Variants in ATP2A2 observed in about 807,000 individuals in gnomAD.
ATP2A2 encodes sarcoplasmic/endoplasmic reticulum calcium ATPase 2.
Under a neutral mutation model 109.3 loss-of-function variants are expected in ATP2A2, and 14 were observed. That is an observed-to-expected ratio of 0.13 (90% CI 0.08 to 0.20). The LOEUF (loss-of-function observed/expected upper bound fraction) is 0.20. ATP2A2 is among the 10% of genes least tolerant of loss of function. The pLI is 1.00. For synonymous variants in ATP2A2, 506 were observed against 490.9 expected (o/e 1.03, Z -0.41); for missense variants, 657 against 1,321.6 (o/e 0.50, Z 7.80).
intron 5 of ATP2A2, among the ~76,000 whole-genome samples, chr12:110,305,892 T>C (rs1385127005): frequency 6.6e-6 from 1 of 151,982 alleles, no homozygotes; most frequent in Non-Finnish European, 1.5e-5. Flanking sequence ...GTTTTTTTTT[T>C]TTAAGGTCTG....
chr12:110,326,632 C>A (rs971815044), intron 7 of ATP2A2, among the ~76,000 whole-genome samples, 157 bp downstream of exon 7: 1 of 152,108 alleles, frequency 6.6e-6, no homozygotes, highest in Non-Finnish European at 1.5e-5. Context: ...AGTAACATAA[C>A]GTGTGACTTA....
At chr12:110,282,824 C>T (rs766571475) in intron 3 of ATP2A2, 29 bp downstream of exon 3, 23 of 1,554,484 alleles carry the variant, frequency 1.5e-5, no homozygotes, top group Non-Finnish European at 2.0e-5. Context: ...ATTTTCTTTC[C>T]CCCCAAAAGC....
intron 11 of ATP2A2, 102 bp downstream of exon 11, chr12:110,334,245 T>C: frequency 7.2e-7 from 1 of 1,396,396 alleles, no homozygotes; most frequent in Non-Finnish European, 1.0e-6. Context: ...TAATTATACC[T>C]TATCTCCTCA....
intron 4 of ATP2A2, among the ~76,000 whole-genome samples, chr12:110,294,808 A>G (rs1873787262): frequency 6.6e-6 from 1 of 151,926 alleles, no homozygotes; most frequent in Non-Finnish European, 1.5e-5. Context: ...ATTTCTGACC[A>G]GTGTCATCAA....
chr12:110,326,611 C>CAGA, intron 7 of ATP2A2, 136 bp downstream of exon 7: 1 of 903,364 alleles, frequency 1.1e-6, no homozygotes, highest in Non-Finnish European at 1.7e-6. Context: ...TCTTAGGTGT[C>CAGA]AGAATATGGC....
chr12:110,317,785 C>T (rs1876825869), intron 5 of ATP2A2, among the ~76,000 whole-genome samples: 1 of 152,144 alleles, frequency 6.6e-6, no homozygotes, highest in South Asian at 2.1e-4. Context: ...TAAAACGTGG[C>T]AAACTGATAA....
At position 110,346,228 on chromosome 12, in the gene ATP2A2, G is replaced by A. The variant is rs1221810996; in HGVS notation, c.2887G>A (p.Val963Met). ...PLIFQITPLN[V>M]TQWLMVLKIS... ...CATCTTCCAGATCACACCGCTGAAC[G>A]TGACCCAGTGGCTGATGGTGCTGAA... The change falls in exon 20 of 20, where the codon GTG becomes ATG. Residue 963 changes from valine to methionine, a missense_variant. By Grantham distance (21) the Val-to-Met change is conservative. Transcript: ENST00000539276. 9 of 1,614,062 alleles carry A rather than the reference G, an allele frequency of 5.6e-6. No homozygotes were observed. The highest frequency in any genetic ancestry group is 4.0e-5 in the African/African-American group (3 of 74,918).
Position 110,341,001 on chromosome 12 carries a change from A to G in ATP2A2, c.2097+7A>G, listed in dbSNP as rs372776473. Reference sequence around the variant, plus strand: ...TGATGAGATTACAGCTATGGTGAGCATGTTTGAACATGTACAGGTGACTCA... The same window carrying G: ...TGATGAGATTACAGCTATGGTGAGCGTGTTTGAACATGTACAGGTGACTCA... On this transcript the variant is annotated splice_region_variant and intron_variant, in intron 14 of 19. Transcript: ENST00000539276. 16 of 1,613,674 alleles carry G rather than the reference A, an allele frequency of 9.9e-6. No individual in the cohort carries two copies. In the African/African-American group the frequency reaches 2.0e-4, roughly 20 times the overall value.
intron 6 of ATP2A2, chr12:110,326,044 A>T (rs1877766880): frequency 1.5e-5 from 5 of 330,680 alleles, no homozygotes; most frequent in South Asian, 1.5e-4. Flanking sequence ...TATACAACAA[A>T]TATATGTAAA....
intron 10 of ATP2A2, among the ~76,000 whole-genome samples, chr12:110,333,602 G>A (rs969518367): frequency 3.9e-5 from 6 of 152,192 alleles, no homozygotes; most frequent in Non-Finnish European, 8.8e-5. Flanking sequence ...GAAAGCAAAG[G>A]ATATAGTTTC....
intron 5 of ATP2A2, among the ~76,000 whole-genome samples, chr12:110,309,267 C>T (rs1875739740): frequency 6.9e-6 from 1 of 144,142 alleles, no homozygotes; most frequent in Non-Finnish European, 1.5e-5. Context: ...AAGCGATTCT[C>T]CTGCCTCAGC....
chr12:110,345,204 G>GGAA, intron 17 of ATP2A2, 45 bp from the exon 18 acceptor site: 1 of 1,614,036 alleles, frequency 6.2e-7, no homozygotes, highest in Non-Finnish European at 8.5e-7. Context: ...CCTGGACTTG[G>GGAA]GAAATATACT....
chr12:110,312,881 AAG>A lies in ATP2A2; in HGVS notation c.464-10109_464-10108del, dbSNP rs1346481836. Among the ~76,000 whole-genome samples the A allele has an allele frequency of 2.0e-5, 3 of 152,114 alleles. No homozygotes were observed. In the East Asian group the frequency reaches 5.8e-4, roughly 29 times the overall value. ...AAAAAAAAAAGAAAACAAAACAAAA[AAG>A]AAAAATTGCTTTAGTTGTTCTGTAA... On this transcript the variant is annotated intron_variant, in intron 5 of 19. Coordinates refer to ENST00000539276, the MANE Select transcript of ATP2A2 (RefSeq NM_170665.4).
At chr12:110,318,210 A>G (rs1876869227) in intron 5 of ATP2A2, among the ~76,000 whole-genome samples, 1 of 152,232 alleles carries the variant, frequency 6.6e-6, no homozygotes, top group South Asian at 2.1e-4. Flanking sequence ...TCACTTGAAA[A>G]GTATTCGGTG....
chr12:110,328,932 C>T (rs1205466255), intron 8 of ATP2A2, among the ~76,000 whole-genome samples: 1 of 152,188 alleles, frequency 6.6e-6, no homozygotes, highest in South Asian at 2.1e-4. Flanking sequence ...CTAGAGAAAG[C>T]TGCTAGTTAA....
At chr12:110,333,632 T>A (rs1228151618) in intron 10 of ATP2A2, among the ~76,000 whole-genome samples, 3 of 152,214 alleles carry the variant, frequency 2.0e-5, no homozygotes, top group Admixed American at 2.0e-4. Context: ...GGTAAGCTAG[T>A]CCCTGTCAGA....
At chr12:110,305,929 T>C (rs956457579) in intron 5 of ATP2A2, among the ~76,000 whole-genome samples, 6 of 152,060 alleles carry the variant, frequency 3.9e-5, no homozygotes, top group Non-Finnish European at 7.4e-5. Context: ...TGGTTGTCAG[T>C]GTTCAAGTCT....
At chr12:110,333,572 A>G (rs935351279) in intron 10 of ATP2A2, among the ~76,000 whole-genome samples, 3 of 152,228 alleles carry the variant, frequency 2.0e-5, no homozygotes, top group African/African-American at 7.2e-5. Flanking sequence ...AATAAAACCC[A>G]GGATAGAAAA....
At chr12:110,318,279 C>G (rs2137789698) in intron 5 of ATP2A2, among the ~76,000 whole-genome samples, 1 of 152,194 alleles carries the variant, frequency 6.6e-6, no homozygotes, top group East Asian at 1.9e-4. Context: ...TAGAGTCAAC[C>G]CTAAATTGAC....
Sources: allele counts gnomAD v4.1 joint callset (sites outside exome capture counted in the v4.1 genomes callset), GRCh38; gene constraint gnomAD v4.1.1; transcripts MANE v1.5; gene names NCBI Gene and HGNC (gene_info 2026-07-23, HGNC 2026-07-21).